ADAM12: variants seen among roughly 807,000 people sequenced by gnomAD.
The protein encoded by ADAM12 is ADAM metallopeptidase domain 12.
In ADAM12, 70 loss-of-function variants were observed where a neutral mutation model predicts 106.4. The observed-to-expected ratio is 0.66, with a 90% CI of 0.54 to 0.80. The LOEUF is 0.80. ADAM12 is among the 30% of genes least tolerant of loss of function. The pLI is 0.00. For synonymous variants in ADAM12, 420 were observed against 433.5 expected (o/e 0.97, Z 0.39); for missense variants, 1,010 against 1,171.9 (o/e 0.86, Z 2.02).
intron 10 of ADAM12, 43 bp downstream of exon 10, chr10:126,098,373 A>T: frequency 6.6e-7 from 1 of 1,507,184 alleles, no homozygotes; most frequent in Non-Finnish European, 9.2e-7. Flanking sequence ...CTTCCTGGGG[A>T]ATCATTATCA....
intron 1 of ADAM12, among the ~76,000 whole-genome samples, chr10:126,379,373 G>A (rs943245656): frequency 6.6e-6 from 1 of 152,180 alleles, no homozygotes; most frequent in African/African-American, 2.4e-5. Flanking sequence ...GAAAAAGGAT[G>A]AGTTCATGTC....
intron 3 of ADAM12, among the ~76,000 whole-genome samples, chr10:126,174,491 C>T (rs770414281): frequency 3.3e-5 from 5 of 152,028 alleles, no homozygotes; most frequent in Non-Finnish European, 5.9e-5. Flanking sequence ...ATTAGGGTGT[C>T]GTGTCCATTT....
intron 1 of ADAM12, among the ~76,000 whole-genome samples, chr10:126,350,469 A>C (rs1251576744): frequency 6.6e-6 from 1 of 152,178 alleles, no homozygotes; most frequent in Non-Finnish European, 1.5e-5. Flanking sequence ...CAGCCCCGGG[A>C]CAGAGACAGC....
chr10:126,167,427 G>T (rs1957043236), intron 3 of ADAM12, among the ~76,000 whole-genome samples: 1 of 152,200 alleles, frequency 6.6e-6, no homozygotes, highest in African/African-American at 2.4e-5. Flanking sequence ...GTCTTTGAAA[G>T]AAATTATAAA....
In ADAM12 at chr10:126,049,220, C is replaced by A; in HGVS notation, c.1917+33G>T. 1 of 1,611,684 alleles carries A rather than the reference C, an allele frequency of 6.2e-7. No individual in the cohort carries two copies. Among genetic ancestry groups the A allele is most frequent in the South Asian group, 1.1e-5 (1 of 91,024 alleles). On this transcript the variant is annotated intron_variant, in intron 16 of 22. Transcript: ENST00000448723. This position sits in a 1 kb window ranked among gnomAD's most constrained non-coding sequence, Gnocchi z 4.4. The stretch of plus-strand genomic sequence containing the variant: ...TTCAATGGGCCCTGTTCCAGACTTA[C>A]ATTTATGATCCAAGCAAACATTTGG...
At chr10:126,087,309 A>G (rs1191714001) in intron 11 of ADAM12, among the ~76,000 whole-genome samples, 2 of 152,180 alleles carry the variant, frequency 1.3e-5, no homozygotes, top group Non-Finnish European at 1.5e-5. Context: ...AACAGGCTGC[A>G]TATTGATGCG....
chr10:126,046,198 A>G, intron 16 of ADAM12, 66 bp from the exon 17 acceptor site: 1 of 1,425,510 alleles, frequency 7.0e-7, no homozygotes, highest in East Asian at 2.3e-5. Flanking sequence ...ATGCATACAT[A>G]CCTGTATTCA....
chr10:126,173,892 A>T (rs1023464691), intron 3 of ADAM12, among the ~76,000 whole-genome samples: 2 of 152,060 alleles, frequency 1.3e-5, no homozygotes, highest in East Asian at 3.9e-4. Context: ...ATTTTTTTTT[A>T]AAGAGCATTA....
chr10:126,066,917 C>T lies in ADAM12; in HGVS notation c.1324-111G>A, dbSNP rs1954882942. The T allele has an allele frequency of 2.9e-6, 3 of 1,023,038 alleles. No individual in the cohort carries two copies. Among genetic ancestry groups the T allele is most frequent in the Non-Finnish European group, 3.0e-6 (2 of 674,714 alleles). 63.4% of individuals were successfully genotyped at this position (1,023,038 alleles called of 1,614,324 possible). A position where few individuals can be genotyped will look rare whatever the true frequency, so the allele number is the denominator to read the frequency against. On this transcript the variant is annotated intron_variant, in intron 12 of 22. Transcript: ENST00000448723. The surrounding 1 kb of genome is among the most constrained non-coding windows in gnomAD (Gnocchi z 5.1). ...AAAAGCAAGAAAGACCAAGAGGGCC[C>T]AGCTCCTGAACTGCACACCTGCCTG...
chr10:126,312,528 C>T lies in ADAM12; in HGVS notation c.186+17884G>A, dbSNP rs576791800. Among the ~76,000 whole-genome samples the T allele has an allele frequency of 3.3e-5, 5 of 151,886 alleles. No individual in the cohort carries two copies. In the East Asian group the frequency reaches 7.8e-4, roughly 24 times the overall value. On this transcript the variant is annotated intron_variant, in intron 2 of 22. Coordinates refer to ENST00000448723, the MANE Select transcript of ADAM12 (RefSeq NM_001288973.2). Reference sequence around the variant, plus strand: ...TATGTGGTTAATGAGATATGGATGCCGTGTGGTCAGTGGAGTCTGGGTGGT... The same window carrying T: ...TATGTGGTTAATGAGATATGGATGCTGTGTGGTCAGTGGAGTCTGGGTGGT...
At chr10:126,205,512 TTGAAGC>T (rs1382369916) in intron 3 of ADAM12, among the ~76,000 whole-genome samples, 1 of 152,246 alleles carries the variant, frequency 6.6e-6, no homozygotes, top group Non-Finnish European at 1.5e-5. Context: ...TTACCATTTC[TTGAAGC>T]TCAACTCAGC....
chr10:126,329,895 A>G (rs896453545), intron 2 of ADAM12, among the ~76,000 whole-genome samples: 1 of 152,244 alleles, frequency 6.6e-6, no homozygotes, highest in Non-Finnish European at 1.5e-5. Context: ...TTTAGCAGAT[A>G]AAACGCACCA....
intron 3 of ADAM12, among the ~76,000 whole-genome samples, chr10:126,274,419 A>C (rs1206349391): frequency 6.6e-6 from 1 of 152,174 alleles, no homozygotes; most frequent in Non-Finnish European, 1.5e-5. Context: ...TTGAGTATGC[A>C]GGTCTCATTC....
chr10:126,257,611 T>C (rs538125539), intron 3 of ADAM12, among the ~76,000 whole-genome samples: 1 of 152,334 alleles, frequency 6.6e-6, no homozygotes, highest in East Asian at 1.9e-4. Context: ...TGGGGAAATA[T>C]GACCTGTCAC....
intron 1 of ADAM12, among the ~76,000 whole-genome samples, chr10:126,333,306 G>A (rs1195985931): frequency 6.6e-6 from 1 of 152,220 alleles, no homozygotes; most frequent in East Asian, 1.9e-4. Flanking sequence ...CTAGAATCCT[G>A]TGTCACTCCC....
At chr10:126,295,713 C>A (rs145218339) in intron 2 of ADAM12, among the ~76,000 whole-genome samples, 86 of 152,276 alleles carry the variant, frequency 5.6e-4, no homozygotes, top group African/African-American at 1.9e-3. Flanking sequence ...ACCATGAAAA[C>A]CATGCACACT....
At chr10:126,371,470 T>C (rs1212672649) in intron 1 of ADAM12, among the ~76,000 whole-genome samples, 2 of 152,218 alleles carry the variant, frequency 1.3e-5, no homozygotes, top group Admixed American at 6.5e-5. Context: ...TGAACAATCT[T>C]AGTAGTGTGG....
At chr10:126,311,062 T>C (rs1264845263) in intron 2 of ADAM12, among the ~76,000 whole-genome samples, 1 of 150,668 alleles carries the variant, frequency 6.6e-6, no homozygotes, top group Non-Finnish European at 1.5e-5. Context: ...TTTAGTGGGT[T>C]ATGGGTCTTC....
At chr10:126,180,709 G>A (rs74158380) in intron 3 of ADAM12, among the ~76,000 whole-genome samples, 9,537 of 152,136 alleles carry the variant, frequency 0.063, 1,001 homozygotes, top group African/African-American at 0.22. Context: ...GGAAGTTATC[G>A]ATCCTTTTCC....
Sources: gnomAD v4.1 joint callset for allele counts (sites outside exome capture counted in the v4.1 genomes callset) on GRCh38, gnomAD v4.1.1 for gene constraint, Gnocchi (gnomAD v3.1) non-coding constraint, MANE v1.5 for transcripts, NCBI Gene and HGNC (gene_info 2026-07-23, HGNC 2026-07-21) for gene names.